CDK11B: variants seen among roughly 807,000 people sequenced by gnomAD.
The protein encoded by CDK11B is cyclin dependent kinase 11B, also known as cyclin-dependent kinase 11B.
CDK11B carries 37 observed loss-of-function variants against 84.0 expected under a neutral mutation model. The ratio of observed to expected loss-of-function variants is 0.44; its 90% CI spans 0.34 to 0.58. CDK11B has a LOEUF of 0.58. CDK11B is among the 20% of genes least tolerant of loss of function. The pLI, the probability that CDK11B is intolerant of heterozygous loss-of-function variation, is 0.02. For missense variants in CDK11B, 427 were observed against 834.0 expected (o/e 0.51, Z 6.01); for synonymous variants, 269 against 309.8 (o/e 0.87, Z 1.38).
At chr1:1,640,236 G>A in intron 11 of CDK11B, 41 bp downstream of exon 11, 1 of 1,607,806 alleles carries the variant, frequency 6.2e-7, no homozygotes, top group Non-Finnish European at 8.5e-7. Context: ...AACTCCGACT[G>A]CCAATGCGGA....
At chr1:1,652,625 C>G (rs1642155531) in intron 3 of CDK11B, 59 bp from the exon 4 acceptor site, 2 of 1,290,810 alleles carry the variant, frequency 1.5e-6, no homozygotes, top group East Asian at 2.8e-5. Context: ...AAGCATCAGG[C>G]TATTATAAGG....
At chr1:1,654,941 A>G (rs556786501) in intron 3 of CDK11B, among the ~76,000 whole-genome samples, 1 of 151,836 alleles carries the variant, frequency 6.6e-6, no homozygotes, top group African/African-American at 2.4e-5. Flanking sequence ...TACAGGCGTG[A>G]GCCACCGCGC....
intron 2 of CDK11B, 54 bp downstream of exon 2, chr1:1,657,321 C>G: frequency 4.3e-6 from 7 of 1,613,036 alleles, no homozygotes; most frequent in Non-Finnish European, 5.9e-6. Context: ...AAAATGAGGG[C>G]AAAGAAATTA....
chr1:1,652,656 G>C (rs1451437433), intron 3 of CDK11B, 90 bp from the exon 4 acceptor site: 3 of 930,604 alleles, frequency 3.2e-6, no homozygotes, highest in African/African-American at 1.7e-5. Context: ...CCAGAAAAAT[G>C]CATGATTCAG....
At position 1,637,670 on chromosome 1, in the gene CDK11B, G is replaced by A. The variant is rs1339105250; in HGVS notation, c.1464+92C>T. The A allele has an allele frequency of 5.0e-6, 8 of 1,611,590 alleles. No homozygotes were observed. The Admixed American group carries it at 5.0e-5, about 10-fold the overall frequency. On this transcript the variant is annotated intron_variant, in intron 13 of 19. Transcript: ENST00000341832. ...CTGTGAAGGGCTCCACTAAGTGCAG[G>A]AGAGTGTAGGAAGCACCCGGCCCCA...
At chr1:1,648,302 G>T (rs1056788688) in intron 5 of CDK11B, among the ~76,000 whole-genome samples, 1 of 149,384 alleles carries the variant, frequency 6.7e-6, no homozygotes, top group Non-Finnish European at 1.5e-5. Flanking sequence ...CGTGGGACAA[G>T]ACACACTCAA....
chr1:1,656,139 A>G (rs185938624), intron 2 of CDK11B, among the ~76,000 whole-genome samples: 43 of 152,266 alleles, frequency 2.8e-4, no homozygotes, highest in Admixed American at 2.5e-3. Context: ...TTTGGCTCCA[A>G]AACACCACAA....
chr1:1,650,828 T>C (rs1641912432), intron 4 of CDK11B, among the ~76,000 whole-genome samples: 1 of 151,830 alleles, frequency 6.6e-6, no homozygotes, highest in African/African-American at 2.4e-5. Context: ...TAAAAAACTT[T>C]GAAAATAAAA....
rs1336909570 is a variant in CDK11B at position 1,650,001 on chromosome 1, C to T, written c.356-364G>A. On this transcript the variant is annotated intron_variant, in intron 4 of 19. Coordinates refer to ENST00000341832, the MANE Select transcript of CDK11B (RefSeq NM_033486.3). Reference sequence around the variant, plus strand: ...GTGAAACTGAAATTAAGACCGGGCGCGGTGGCTCACGCCTGTAATTCCAGC... The same window carrying T: ...GTGAAACTGAAATTAAGACCGGGCGTGGTGGCTCACGCCTGTAATTCCAGC... 4.0e-3 allele frequency among the ~76,000 whole-genome samples: 598 copies of T among 148,862 alleles called. 2 individuals are homozygous for T. Among genetic ancestry groups the T allele is most frequent in the Non-Finnish European group, 5.7e-3 (387 of 67,400 alleles).
chr1:1,639,441 CTCTT>C (rs1294190292), intron 11 of CDK11B, among the ~76,000 whole-genome samples: 3 of 151,824 alleles, frequency 2.0e-5, no homozygotes, highest in Non-Finnish European at 2.9e-5. Context: ...TCCCAAGAGT[CTCTT>C]TGTCAAACTG....
Position 1,635,771 on chromosome 1 carries a change from T to C in CDK11B, c.2342A>G (p.Lys781Arg). Residue 781 changes from lysine (K) to arginine (R), a missense_variant, in exon 20 of 20, where the codon AAG becomes AGG. Around this residue, in one of 12 missense-constraint regions of CDK11B, gnomAD observed 170 missense variants for 196.0 expected, o/e 0.87. Coordinates refer to ENST00000341832, the MANE Select transcript of CDK11B (RefSeq NM_033486.3). The stretch of plus-strand genomic sequence containing the variant: ...CGGGGTCCACTCTGACCTTCAGAAC[T>C]TGAGGCTGAAGCCGGGGCCCGCGGC... ...ASAAGPGFSL[K>R]F 1 of 321,594 alleles carries C rather than the reference T, an allele frequency of 3.1e-6. No individual in the cohort carries two copies. Among genetic ancestry groups the C allele is most frequent in the South Asian group, 2.6e-5 (1 of 38,862 alleles). The allele number at this position is 321,594 out of a possible 1,614,324, so 19.9% of individuals were successfully genotyped here.
At chr1:1,655,115 T>C (rs1254803685) in intron 3 of CDK11B, among the ~76,000 whole-genome samples, 1 of 152,176 alleles carries the variant, frequency 6.6e-6, no homozygotes, top group African/African-American at 2.4e-5. Context: ...GTATATTTTA[T>C]TAATCAGTGT....
rs751412064 is a variant in CDK11B, at chr1:1,655,281, G to C, written c.227+88C>G. On this transcript the variant is annotated intron_variant, in intron 3 of 19. Coordinates refer to ENST00000341832, the MANE Select transcript of CDK11B (RefSeq NM_033486.3). ...AGAGTAAACCTTAATAGTTACAACA[G>C]CACACAGTTGTCACAGCGACCCTAG... is the stretch of plus-strand genomic sequence containing the variant. 448 of 1,477,090 alleles carry C rather than the reference G, an allele frequency of 3.0e-4. 3 individuals are homozygous for C. Among genetic ancestry groups the C allele is most frequent in the Non-Finnish European group, 8.9e-5 (97 of 1,095,686 alleles). 91.5% of individuals were successfully genotyped at this position (1,477,090 alleles called of 1,614,324 possible).
chr1:1,638,075 C>T (rs1639654310), intron 12 of CDK11B, among the ~76,000 whole-genome samples, 192 bp from the exon 13 acceptor site: 1 of 152,188 alleles, frequency 6.6e-6, no homozygotes, highest in South Asian at 2.1e-4. Context: ...CCACGGCTTC[C>T]CACTCAACAC....
chr1:1,650,908 G>A (rs1453465766), intron 4 of CDK11B, among the ~76,000 whole-genome samples: 1 of 152,006 alleles, frequency 6.6e-6, no homozygotes, highest in Non-Finnish European at 1.5e-5. Context: ...TATCACAGAA[G>A]AGCAGAATTG....
chr1:1,645,958 C>G lies in CDK11B; in HGVS notation c.495-696G>C, dbSNP rs149521079. 6.3e-3 allele frequency: 2,477 copies of G among 390,422 alleles called. 33 individuals carry two copies. Among genetic ancestry groups the G allele is most frequent in the African/African-American group, 0.05 (2,322 of 46,742 alleles). 24.2% of individuals were successfully genotyped at this position (390,422 alleles called of 1,614,324 possible). Reference sequence around the variant, plus strand: ...AGTTCAAGTGATTCTCATACCTGAGCCTCCCGAGTAGCTGGGATTACAGGT... The same window carrying G: ...AGTTCAAGTGATTCTCATACCTGAGGCTCCCGAGTAGCTGGGATTACAGGT... On this transcript the variant is annotated intron_variant, in intron 5 of 19. Transcript: ENST00000341832.
At chr1:1,637,242 C>G in intron 14 of CDK11B, 40 bp from the exon 15 acceptor site, 2 of 1,608,166 alleles carry the variant, frequency 1.2e-6, no homozygotes. Flanking sequence ...CTGGCTGCCC[C>G]CAGCCCAGGG....
In CDK11B at chr1:1,635,533, C is replaced by G. The variant is rs1639168782; in HGVS notation, c.*231G>C. On this transcript the variant is annotated 3_prime_UTR_variant, in exon 20 of 20. Coordinates refer to ENST00000341832, the MANE Select transcript of CDK11B (RefSeq NM_033486.3). The stretch of plus-strand genomic sequence containing the variant: ...AGGTTTGTGCTGCCCCACGTGGGCA[C>G]CCGAAGATGTCCACCCTCTCCGCCC... 1.3e-5 allele frequency: 6 copies of G among 467,414 alleles called. No individual in the cohort carries two copies. Among genetic ancestry groups the G allele is most frequent in the Non-Finnish European group, 2.2e-5 (6 of 273,912 alleles). 29.0% of individuals were successfully genotyped at this position (467,414 alleles called of 1,614,324 possible).
chr1:1,641,460 G>C (rs1183573863), intron 9 of CDK11B, among the ~76,000 whole-genome samples: 3 of 146,358 alleles, frequency 2.0e-5, no homozygotes, highest in African/African-American at 7.4e-5. Flanking sequence ...AGTGAGCCGA[G>C]ATCATGCCAC....
Sources: allele counts gnomAD v4.1 joint callset (sites outside exome capture counted in the v4.1 genomes callset), GRCh38; gene constraint gnomAD v4.1.1; regional missense constraint gnomAD v4.1.1; transcripts MANE v1.5; gene names NCBI Gene and HGNC (gene_info 2026-07-23, HGNC 2026-07-21).